FHOD3: variants seen among roughly 807,000 people sequenced by gnomAD.
FHOD3 encodes formin homology 2 domain containing 3.
In FHOD3, 90 loss-of-function variants were observed where a neutral mutation model predicts 173.0. The ratio of observed to expected loss-of-function variants is 0.52; its 90% CI spans 0.44 to 0.62. The LOEUF (loss-of-function observed/expected upper bound fraction) is 0.62, where lower values mean the gene tolerates loss of function less well. FHOD3 is among the 20% of genes least tolerant of loss of function. The pLI is 0.00. For synonymous variants in FHOD3, 828 were observed against 823.0 expected (o/e 1.01, Z -0.10); for missense variants, 1,945 against 2,034.7 (o/e 0.96, Z 0.85).
intron 3 of FHOD3, among the ~76,000 whole-genome samples, chr18:36,426,246 GTAGGGGTTGTTATTTTTCTCATCTTTCAA>G (rs2050238501): frequency 6.6e-6 from 1 of 152,092 alleles, no homozygotes; most frequent in African/African-American, 2.4e-5. Context: ...GCTCTACATG[GTAGGGGTTGTTATTTTTCTCATCTTTCAA>G]ATAAGGAAAC....
At chr18:36,469,346 C>T (rs543977374) in intron 3 of FHOD3, among the ~76,000 whole-genome samples, 1 of 152,242 alleles carries the variant, frequency 6.6e-6, no homozygotes, top group South Asian at 2.1e-4. Context: ...ACTCAGAGAT[C>T]CTAGGCCAAG....
intron 5 of FHOD3, among the ~76,000 whole-genome samples, chr18:36,566,906 CAA>C (rs2058285038): frequency 6.6e-6 from 1 of 152,112 alleles, no homozygotes; most frequent in Non-Finnish European, 1.5e-5. Context: ...AAAATAAGAA[CAA>C]TATTTCCCTT....
intron 20 of FHOD3, among the ~76,000 whole-genome samples, chr18:36,732,752 G>A (rs2041433567): frequency 6.6e-6 from 1 of 152,162 alleles, no homozygotes; most frequent in South Asian, 2.1e-4. Flanking sequence ...GCCTCAGTGT[G>A]ATGCATCCCA....
rs1015303591 is a variant in FHOD3, at chr18:36,755,166, G to A, written c.4280G>A (p.Arg1427Gln). 18 of 1,609,474 alleles carry A rather than the reference G, an allele frequency of 1.1e-5. No individual in the cohort carries two copies. The highest frequency in any genetic ancestry group is 1.7e-5 in the Admixed American group (1 of 59,450). Residue 1427 changes from arginine (R) to glutamine (Q), a missense_variant, in exon 25 of 29, where the codon CGG becomes CAG. Around this residue, in one of 5 missense-constraint regions of FHOD3, gnomAD observed 354 missense variants for 359.9 expected, o/e 0.98. Coordinates refer to ENST00000590592, the MANE Select transcript of FHOD3 (RefSeq NM_001281740.3). Reference protein sequence around the residue: ...LFMGHPPYAIREVNINKFCRI... With the variant: ...LFMGHPPYAIQEVNINKFCRI... ...ATGGGCCATCCACCTTATGCAATTCGGGAAGTGAACATAAACAAATTCTGC... is the reference window on the plus strand; with the variant it reads ...ATGGGCCATCCACCTTATGCAATTCAGGAAGTGAACATAAACAAATTCTGC...
chr18:36,661,691 A>G (rs1426647579), intron 14 of FHOD3, among the ~76,000 whole-genome samples: 1 of 152,156 alleles, frequency 6.6e-6, no homozygotes, highest in Non-Finnish European at 1.5e-5. Flanking sequence ...CTTCCCCAAC[A>G]AGTATATTCA....
At chr18:36,635,020 C>T (rs1344272188) in intron 10 of FHOD3, among the ~76,000 whole-genome samples, 1 of 152,104 alleles carries the variant, frequency 6.6e-6, no homozygotes, top group Non-Finnish European at 1.5e-5. Context: ...GTGTGGTGAC[C>T]TCCTGACAAA....
chr18:36,399,960 T>C (rs971987714), intron 3 of FHOD3, among the ~76,000 whole-genome samples: 8 of 152,070 alleles, frequency 5.3e-5, no homozygotes, highest in Non-Finnish European at 4.4e-5. Context: ...AATCATAGAG[T>C]TCCTTCATTC....
chr18:36,452,630 A>C (rs911413071), intron 3 of FHOD3, among the ~76,000 whole-genome samples: 5 of 151,646 alleles, frequency 3.3e-5, no homozygotes, highest in East Asian at 3.9e-4. Context: ...GGCAGCCACC[A>C]TTCTGCTCTC....
At chr18:36,709,703 C>T in intron 18 of FHOD3, 1 of 341,768 alleles carries the variant, frequency 2.9e-6, no homozygotes, top group Non-Finnish European at 5.4e-6. Flanking sequence ...AGAGAAACCT[C>T]TCACTTCCCC....
chr18:36,671,395 G>T (rs1254852958), intron 14 of FHOD3, among the ~76,000 whole-genome samples: 1 of 152,244 alleles, frequency 6.6e-6, no homozygotes, highest in East Asian at 1.9e-4. Context: ...CTGATGGCCA[G>T]TTTCTTCAGT....
At chr18:36,511,612 T>G (rs750033480) in intron 4 of FHOD3, among the ~76,000 whole-genome samples, 1 of 152,108 alleles carries the variant, frequency 6.6e-6, no homozygotes. Context: ...CCGTCTGAGC[T>G]CTTCAGAATC....
Position 36,718,485 on chromosome 18 carries a change from G to A in FHOD3, c.3187G>A (p.Ala1063Thr), listed in dbSNP as rs560946106. The A allele has an allele frequency of 4.7e-5, 76 of 1,611,370 alleles. No homozygotes were observed. In the Middle Eastern group the frequency reaches 5.0e-4, roughly 10 times the overall value. The change falls in exon 19 of 29, where the codon GCT (alanine) becomes ACT (threonine). Residue 1063 changes from alanine (A) to threonine (T), a missense_variant. Transcript: ENST00000590592. ...LLVPPPPVFN[A>T]PQGLGWSQVP... The stretch of plus-strand genomic sequence containing the variant: ...GGTTCCTCCTCCTCCAGTGTTCAAC[G>A]CTCCTCAGGGCTTAGGGTGGTCCCA...
intron 3 of FHOD3, among the ~76,000 whole-genome samples, chr18:36,378,515 G>A (rs914516355): frequency 2.7e-5 from 4 of 149,516 alleles, no homozygotes; most frequent in Non-Finnish European, 4.4e-5. Context: ...CTCTGTGTGG[G>A]TAGCTGCCTC....
chr18:36,363,064 T>C (rs1000783712), intron 2 of FHOD3, among the ~76,000 whole-genome samples: 1 of 152,172 alleles, frequency 6.6e-6, no homozygotes, highest in African/African-American at 2.4e-5. Context: ...CATGTCAATA[T>C]AATGTAAAAT....
At chr18:36,688,484 A>G (rs1176000683) in intron 16 of FHOD3, among the ~76,000 whole-genome samples, 1 of 152,220 alleles carries the variant, frequency 6.6e-6, no homozygotes, top group Non-Finnish European at 1.5e-5. Context: ...CTATTTGATT[A>G]TTGTCATCCT....
chr18:36,720,404 A>C (rs1387039316), intron 19 of FHOD3, among the ~76,000 whole-genome samples: 2 of 151,490 alleles, frequency 1.3e-5, no homozygotes, highest in African/African-American at 4.8e-5. Context: ...CACCCAGCTA[A>C]TTTTTGTATT....
At chr18:36,737,519 C>T (rs1048546959) in intron 20 of FHOD3, among the ~76,000 whole-genome samples, 1 of 152,180 alleles carries the variant, frequency 6.6e-6, no homozygotes, top group Non-Finnish European at 1.5e-5. Flanking sequence ...GGAACACTGC[C>T]ACCACCTATC....
At chr18:36,312,132 A>G (rs577542777) in intron 1 of FHOD3, among the ~76,000 whole-genome samples, 2 of 152,274 alleles carry the variant, frequency 1.3e-5, no homozygotes, top group South Asian at 2.1e-4. Context: ...TCTAGTAGAC[A>G]CTTTTCCATT....
At chr18:36,435,405 C>A (rs766131905) in intron 3 of FHOD3, among the ~76,000 whole-genome samples, 1 of 151,942 alleles carries the variant, frequency 6.6e-6, no homozygotes, top group African/African-American at 2.4e-5. Context: ...AAGAAAGAAT[C>A]CAGTTAAAGA....
Sources: allele counts gnomAD v4.1 joint callset (sites outside exome capture counted in the v4.1 genomes callset), GRCh38; gene constraint gnomAD v4.1.1; regional missense constraint gnomAD v4.1.1; transcripts MANE v1.5; gene names NCBI Gene and HGNC (gene_info 2026-07-23, HGNC 2026-07-21).